The following MSTO1 variants were observed in gnomAD, a reference collection of about 807,000 sequenced individuals.
The protein encoded by MSTO1 is misato mitochondrial distribution and morphology regulator 1.
MSTO1 carries 24 observed loss-of-function variants against 55.7 expected under a neutral mutation model. The ratio of observed to expected loss-of-function variants is 0.43; its 90% confidence interval spans 0.31 to 0.61. MSTO1 has a LOEUF of 0.61. Ranked by LOEUF, MSTO1 falls within the 20% of genes least tolerant of loss-of-function variation. The pLI is 0.09. For missense variants in MSTO1, 363 were observed against 625.7 expected (o/e 0.58, Z 4.48); for synonymous variants, 162 against 252.8 (o/e 0.64, Z 3.41).
the MSTO1 span, among the ~76,000 whole-genome samples, chr1:155,580,937 G>A: frequency 2.7e-5 from 4 of 146,518 alleles, no homozygotes; most frequent in Non-Finnish European, 4.5e-5. Flanking sequence ...AAGGGAGAGA[G>A]AACTCTAATA....
the MSTO1 span, chr1:155,590,723 G>T: frequency 1.9e-6 from 3 of 1,579,150 alleles, no homozygotes; most frequent in Middle Eastern, 1.7e-4. Flanking sequence ...GTGCAGCACA[G>T]CAGCCTGCCA....
chr1:155,570,999 T>A, the MSTO1 span, among the ~76,000 whole-genome samples: 1 of 152,170 alleles, frequency 6.6e-6, no homozygotes, highest in Non-Finnish European at 1.5e-5. Context: ...GTAAACCACA[T>A]GCATTATTTC....
At chr1:155,576,302 T>G in the MSTO1 span, among the ~76,000 whole-genome samples, 1 of 152,254 alleles carries the variant, frequency 6.6e-6, no homozygotes, top group East Asian at 1.9e-4. Context: ...TCGTTATCTA[T>G]TTATAGTTTT....
the MSTO1 span, chr1:155,599,011 G>A: frequency 2.9e-6 from 2 of 691,222 alleles, no homozygotes; most frequent in East Asian, 3.3e-5. Context: ...GGATCTGATA[G>A]CTAAAGGAAA....
the MSTO1 span, chr1:155,598,821 A>G: frequency 6.1e-5 from 79 of 1,303,230 alleles, no homozygotes; most frequent in Non-Finnish European, 8.6e-5. Flanking sequence ...CATATATTTT[A>G]GATGGAGAGA....
the MSTO1 span, chr1:155,591,312 G>A: frequency 7.2e-7 from 1 of 1,385,798 alleles, no homozygotes; most frequent in Non-Finnish European, 9.9e-7. Context: ...AAATTCCTAG[G>A]CCAAGTCGAC....
the MSTO1 span, among the ~76,000 whole-genome samples, chr1:155,593,834 T>A: frequency 6.6e-6 from 1 of 151,930 alleles, no homozygotes; most frequent in Non-Finnish European, 1.5e-5. Flanking sequence ...CCGGGTGTGG[T>A]GGCAGGCGCC....
the MSTO1 span, among the ~76,000 whole-genome samples, chr1:155,599,328 C>G: frequency 6.6e-6 from 1 of 152,286 alleles, no homozygotes; most frequent in East Asian, 1.9e-4. Context: ...CTTCCTGAAG[C>G]CTTTTGATGC....
At chr1:155,566,551 G>C in the MSTO1 span, among the ~76,000 whole-genome samples, 1 of 152,022 alleles carries the variant, frequency 6.6e-6, no homozygotes, top group Non-Finnish European at 1.5e-5. Flanking sequence ...ACACACCACT[G>C]CACTCCAGCC....
At chr1:155,592,152 A>G in the MSTO1 span, among the ~76,000 whole-genome samples, 2 of 152,174 alleles carry the variant, frequency 1.3e-5, no homozygotes, top group Non-Finnish European at 2.9e-5. Context: ...CAGTGGCCTA[A>G]CACAAAGGAT....
chr1:155,586,294 C>T, the MSTO1 span, among the ~76,000 whole-genome samples: 2 of 150,864 alleles, frequency 1.3e-5, no homozygotes, highest in Non-Finnish European at 2.9e-5. Flanking sequence ...CCACCCGCCT[C>T]GGCCTCCCTA....
the MSTO1 span, among the ~76,000 whole-genome samples, chr1:155,572,169 C>G: frequency 4.6e-5 from 7 of 152,048 alleles, no homozygotes; most frequent in African/African-American, 1.7e-4. Context: ...TTGTGGGGGA[C>G]TCCCTGTGCA....
chr1:155,600,716 T>G, the MSTO1 span, among the ~76,000 whole-genome samples: 1 of 152,232 alleles, frequency 6.6e-6, no homozygotes, highest in Non-Finnish European at 1.5e-5. Context: ...TCTGGCTAAT[T>G]TCTGTATTTT....
At chr1:155,606,861 G>A (rs1275733081), upstream of MSTO1, among the ~76,000 whole-genome samples, 3 of 151,740 alleles carry the variant, frequency 2.0e-5, no homozygotes, top group Admixed American at 6.6e-5. Context: ...TTGAGACAGA[G>A]TCTCCATCTG....
upstream of MSTO1, among the ~76,000 whole-genome samples, chr1:155,606,696 T>C (rs1174507606): frequency 2.0e-5 from 3 of 151,694 alleles, no homozygotes; most frequent in East Asian, 5.9e-4. Context: ...CCCAGCCTTT[T>C]TTTTTGTAGC....
chr1:155,608,576 C>T (rs187460276), upstream of MSTO1, among the ~76,000 whole-genome samples: 1 of 148,520 alleles, frequency 6.7e-6, no homozygotes, highest in African/African-American at 2.5e-5. Context: ...CTCGGCTCAC[C>T]GCAAGCTCCG....
At chr1:155,590,752 G>T in the MSTO1 span, 1 of 1,602,442 alleles carries the variant, frequency 6.2e-7, no homozygotes, top group Non-Finnish European at 8.5e-7. Flanking sequence ...CAAAAGGCCT[G>T]AGGCCGCCCA....
At chr1:155,599,189 A>G in the MSTO1 span, among the ~76,000 whole-genome samples, 1 of 152,136 alleles carries the variant, frequency 6.6e-6, no homozygotes, top group African/African-American at 2.4e-5. Context: ...GAAAAGAAAA[A>G]AAAAAAAGAA....
rs1249533563 is a variant in MSTO1, at chr1:155,612,402, A to G, written c.814-16A>G. 4 of 1,605,236 alleles carry G rather than the reference A, an allele frequency of 2.5e-6. No homozygotes were observed. The highest frequency in any genetic ancestry group is 3.4e-6 in the Non-Finnish European group (4 of 1,175,308). On this transcript the variant is annotated splice_polypyrimidine_tract_variant and intron_variant, in intron 8 of 13. Coordinates refer to ENST00000245564, the MANE Select transcript of MSTO1 (RefSeq NM_018116.4). ...GTGGGAGAGCTGCTTAATACAAACT[A>G]CTCTTTCTTCACCAGGAGGCCCAGA...
Sources: gnomAD v4.1 joint callset for allele counts (sites outside exome capture counted in the v4.1 genomes callset) on GRCh38, gnomAD v4.1.1 for gene constraint, MANE v1.5 for transcripts, NCBI Gene and HGNC (gene_info 2026-07-23, HGNC 2026-07-21) for gene names.